PIP5K1B: variants seen among roughly 807,000 people sequenced by gnomAD.
PIP5K1B encodes the protein phosphatidylinositol 4-phosphate 5-kinase type-1 beta.
PIP5K1B carries 42 observed loss-of-function variants against 67.0 expected under a neutral mutation model. That is an observed-to-expected ratio of 0.63 (90% CI 0.49 to 0.81). PIP5K1B has a LOEUF of 0.81. Ranked by LOEUF, PIP5K1B falls within the 30% of genes least tolerant of loss-of-function variation. PIP5K1B has a pLI of 0.00. For missense variants in PIP5K1B, 459 were observed against 646.3 expected, an observed-to-expected ratio of 0.71 and a Z score of 3.14; for synonymous variants, 214 against 231.4, an observed-to-expected ratio of 0.92 and a Z score of 0.68.
At chr9:68,920,472 A>G (rs990836693) in intron 11 of PIP5K1B, among the ~76,000 whole-genome samples, 6 of 148,484 alleles carry the variant, frequency 4.0e-5, no homozygotes, top group African/African-American at 1.2e-4. Context: ...GGGTCAAGCA[A>G]TTCTCTTACC....
intron 8 of PIP5K1B, among the ~76,000 whole-genome samples, chr9:68,897,998 G>T (rs1370705326): frequency 2.0e-5 from 3 of 152,084 alleles, no homozygotes; most frequent in Non-Finnish European, 4.4e-5. Flanking sequence ...GCCTCATCCT[G>T]CACTGAGTCC....
At chr9:68,973,051 A>G (rs1031194056) in intron 14 of PIP5K1B, among the ~76,000 whole-genome samples, 1 of 152,236 alleles carries the variant, frequency 6.6e-6, no homozygotes, top group African/African-American at 2.4e-5. Context: ...TGTGATAGGG[A>G]TAAAGAACAA....
intron 2 of PIP5K1B, among the ~76,000 whole-genome samples, chr9:68,812,503 C>T (rs1833224111): frequency 6.6e-6 from 1 of 152,160 alleles, no homozygotes; most frequent in African/African-American, 2.4e-5. Flanking sequence ...TCATATGACA[C>T]CATAGGTTAG....
intron 14 of PIP5K1B, among the ~76,000 whole-genome samples, chr9:68,956,867 G>C (rs11144496): frequency 0.13 from 19,677 of 152,138 alleles, 1,594 homozygotes; most frequent in East Asian, 0.4. Context: ...GAGTCCTGGG[G>C]CAGCTGAAGC....
chr9:68,993,078 C>T (rs1272531025), intron 15 of PIP5K1B, among the ~76,000 whole-genome samples: 1 of 151,738 alleles, frequency 6.6e-6, no homozygotes, highest in Non-Finnish European at 1.5e-5. Context: ...AGGAGAATGG[C>T]GTGAACCCGG....
intron 4 of PIP5K1B, among the ~76,000 whole-genome samples, chr9:68,844,005 T>A (rs111389979): frequency 1.5e-4 from 23 of 152,298 alleles, no homozygotes; most frequent in Non-Finnish European, 2.9e-5. Flanking sequence ...AAGTCAGTAG[T>A]TGGCCAGGCC....
rs538293957 is a variant in PIP5K1B, at chr9:68,716,066, T to C, written c.-243+10304T>C. On this transcript the variant is annotated intron_variant, in intron 1 of 15. Transcript: ENST00000265382. The stretch of plus-strand genomic sequence containing the variant: ...TTGTACCTCTGAATTTGGACCCATA[T>C]GTGTGGATTACTTATTTTAAAAATT... 1.7e-3 allele frequency among the ~76,000 whole-genome samples: 253 copies of C among 152,312 alleles called. 2 individuals are homozygous for C. Among genetic ancestry groups the C allele is most frequent in the Non-Finnish European group, 2.1e-3 (145 of 68,032 alleles).
At position 68,880,607 on chromosome 9, in the gene PIP5K1B, A is replaced by G. The variant is rs554573626; in HGVS notation, c.318+3813A>G. Among the ~76,000 whole-genome samples, 102 of 150,316 alleles carry G rather than the reference A, an allele frequency of 6.8e-4. 1 individual carries two copies. Among genetic ancestry groups the G allele is most frequent in the African/African-American group, 2.2e-3 (90 of 40,798 alleles). ...CACACACGCATACACACACACACACACACACACACGCATACACACACACAC... is the reference window on the plus strand; with the variant it reads ...CACACACGCATACACACACACACACGCACACACACGCATACACACACACAC... On this transcript the variant is annotated intron_variant, in intron 6 of 15. Transcript: ENST00000265382.
chr9:68,862,410 A>T (rs1045700280), intron 4 of PIP5K1B, among the ~76,000 whole-genome samples: 1 of 152,250 alleles, frequency 6.6e-6, no homozygotes, highest in African/African-American at 2.4e-5. Flanking sequence ...AGGAGACCTG[A>T]GGATCAAGGA....
intron 2 of PIP5K1B, among the ~76,000 whole-genome samples, chr9:68,751,137 C>G (rs1240212221): frequency 1.3e-5 from 2 of 152,162 alleles, no homozygotes; most frequent in African/African-American, 2.4e-5. Context: ...TGACTTTGGG[C>G]AAGTCGTGTA....
At chr9:68,796,222 G>T (rs1832285604) in intron 2 of PIP5K1B, among the ~76,000 whole-genome samples, 1 of 151,972 alleles carries the variant, frequency 6.6e-6, no homozygotes, top group Admixed American at 6.6e-5. Context: ...GCATTTTTTT[G>T]ATAGTTGCAT....
intron 14 of PIP5K1B, among the ~76,000 whole-genome samples, chr9:68,945,631 C>T (rs536648669): frequency 2.0e-5 from 3 of 152,280 alleles, no homozygotes; most frequent in South Asian, 4.2e-4. Context: ...ATGTTAAGCC[C>T]TTTATACATA....
At chr9:68,749,759 C>T (rs1829526102) in intron 2 of PIP5K1B, among the ~76,000 whole-genome samples, 1 of 152,108 alleles carries the variant, frequency 6.6e-6, no homozygotes, top group South Asian at 2.1e-4. Flanking sequence ...GGTCCTCTGC[C>T]CTGAGGATGT....
At chr9:68,990,949 A>G (rs1272170877) in intron 14 of PIP5K1B, among the ~76,000 whole-genome samples, 191 bp from the exon 15 acceptor site, 3 of 152,194 alleles carry the variant, frequency 2.0e-5, no homozygotes, top group Non-Finnish European at 4.4e-5. Flanking sequence ...GGCATGAGCC[A>G]CCGCGCCTGG....
chr9:68,982,406 C>A (rs925896551), intron 14 of PIP5K1B, among the ~76,000 whole-genome samples: 1 of 152,132 alleles, frequency 6.6e-6, no homozygotes. Context: ...AACTGAGGAG[C>A]AATGAATATT....
In PIP5K1B at chr9:68,806,524, A is replaced by G. The variant is rs146335542; in HGVS notation, c.-85-11937A>G. Among the ~76,000 whole-genome samples the G allele has an allele frequency of 4.9e-3, 745 of 152,262 alleles. 8 individuals are homozygous for G. The highest frequency in any genetic ancestry group is 0.017 in the African/African-American group (705 of 41,530). On this transcript the variant is annotated intron_variant, in intron 2 of 15. Coordinates refer to ENST00000265382, the MANE Select transcript of PIP5K1B (RefSeq NM_003558.4). ...TACAATTTTTATTGGCCTCCTATTC[A>G]GAAGCCTTCAGCAGATGTTCCTTAA...
intron 4 of PIP5K1B, among the ~76,000 whole-genome samples, chr9:68,844,403 A>G (rs1294469548): frequency 3.3e-5 from 5 of 152,194 alleles, no homozygotes; most frequent in Admixed American, 6.5e-5. Flanking sequence ...GCAATCAACT[A>G]TGCATCGGGC....
At chr9:68,780,009 C>G (rs953860950) in intron 2 of PIP5K1B, 15 of 987,446 alleles carry the variant, frequency 1.5e-5, no homozygotes, top group Non-Finnish European at 1.9e-5. Flanking sequence ...CGAGTACGGA[C>G]ATCGCGAGCG....
At chr9:68,781,541 G>A (rs1291825504) in intron 2 of PIP5K1B, 1 of 166,748 alleles carries the variant, frequency 6.0e-6, no homozygotes, top group African/African-American at 2.4e-5. Context: ...GTTTTACCCA[G>A]GAATTCTTGG....
Sources: allele counts gnomAD v4.1 joint callset (sites outside exome capture counted in the v4.1 genomes callset), GRCh38; gene constraint gnomAD v4.1.1; transcripts MANE v1.5; gene names NCBI Gene and HGNC (gene_info 2026-07-23, HGNC 2026-07-21).